GPCPD1: variants seen among roughly 807,000 people sequenced by gnomAD.
GPCPD1 encodes the protein glycerophosphocholine phosphodiesterase GPCPD1.
GPCPD1 carries 29 observed loss-of-function variants against 89.2 expected under a neutral mutation model. The observed-to-expected ratio is 0.33, with a 90% CI of 0.24 to 0.44. GPCPD1 has a LOEUF of 0.44. Ranked by LOEUF, GPCPD1 falls within the 20% of genes least tolerant of loss-of-function variation. The pLI is 1.00. For missense variants in GPCPD1, 594 were observed against 808.9 expected (o/e 0.73, Z 3.22); for synonymous variants, 258 against 266.3 (o/e 0.97, Z 0.30).
chr20:5,573,215 G>A (rs936932941), intron 11 of GPCPD1, among the ~76,000 whole-genome samples: 1 of 151,914 alleles, frequency 6.6e-6, no homozygotes, highest in African/African-American at 2.4e-5. Flanking sequence ...CTCCCAAGTA[G>A]CTGGGATAAC....
intron 14 of GPCPD1, among the ~76,000 whole-genome samples, chr20:5,565,528 C>T (rs1986352969): frequency 6.6e-6 from 1 of 152,046 alleles, no homozygotes; most frequent in African/African-American, 2.4e-5. Flanking sequence ...CGTGTCCAGC[C>T]CCTATATATA....
At chr20:5,604,610 G>A (rs1980417665) in intron 1 of GPCPD1, among the ~76,000 whole-genome samples, 170 bp from the exon 2 acceptor site, 1 of 50,736 alleles carries the variant, frequency 2.0e-5, no homozygotes, top group Admixed American at 1.6e-4. Context: ...TAACTTTAGT[G>A]CGGGGGGGGG....
chr20:5,549,249 T>C (rs980678379), intron 19 of GPCPD1: 3 of 792,136 alleles, frequency 3.8e-6, no homozygotes, highest in African/African-American at 3.4e-5. Context: ...TATTGGAGAA[T>C]CTTTTGATGA....
chr20:5,573,844 A>G, intron 11 of GPCPD1, 71 bp downstream of exon 11: 1 of 848,230 alleles, frequency 1.2e-6, no homozygotes, highest in African/African-American at 1.7e-5. Flanking sequence ...ACTATTAATA[A>G]AAACTGGAGG....
intron 3 of GPCPD1, among the ~76,000 whole-genome samples, chr20:5,595,688 C>T (rs1979667577): frequency 6.6e-6 from 1 of 151,976 alleles, no homozygotes. Context: ...AAATGCTTGA[C>T]ACATGTTCCC....
At chr20:5,561,914 G>C (rs1986106657) in intron 15 of GPCPD1, among the ~76,000 whole-genome samples, 1 of 152,228 alleles carries the variant, frequency 6.6e-6, no homozygotes, top group Admixed American at 6.5e-5. Flanking sequence ...ATTTGGGGAT[G>C]TCAATCTACT....
At chr20:5,575,126 A>C (rs1483035282) in intron 10 of GPCPD1, among the ~76,000 whole-genome samples, 1 of 152,202 alleles carries the variant, frequency 6.6e-6, no homozygotes, top group Non-Finnish European at 1.5e-5. Context: ...ACACGTCAAA[A>C]GTAAGGACCA....
intron 10 of GPCPD1, among the ~76,000 whole-genome samples, chr20:5,574,782 TTAAA>T (rs1295607989): frequency 1.3e-5 from 2 of 152,158 alleles, no homozygotes; most frequent in African/African-American, 4.8e-5. Context: ...TGCTTCTTCC[TTAAA>T]TAGTTATTTT....
At chr20:5,564,250 A>T (rs1390360720) in intron 15 of GPCPD1, among the ~76,000 whole-genome samples, 1 of 152,016 alleles carries the variant, frequency 6.6e-6, no homozygotes, top group Non-Finnish European at 1.5e-5. Flanking sequence ...TATCATCTTA[A>T]GTAAGAGGGG....
At position 5,610,678 on chromosome 20, in the gene GPCPD1, C is replaced by G. The variant is rs530935860; in HGVS notation, c.-29+164G>C. ...CCACCGATTTAGCGCAGCGAACGCC[C>G]GGCCGCCGTTCCCCTGCGGGCAGTG... On this transcript the variant is annotated intron_variant, in intron 1 of 19. Transcript: ENST00000379019. Among the ~76,000 whole-genome samples, 6 of 151,684 alleles carry G rather than the reference C, an allele frequency of 4.0e-5. No homozygotes were observed. In the South Asian group the frequency reaches 1.0e-3, roughly 26 times the overall value.
chr20:5,582,203 A>AC (rs1978574356), intron 6 of GPCPD1, among the ~76,000 whole-genome samples: 1 of 141,536 alleles, frequency 7.1e-6, no homozygotes, highest in Non-Finnish European at 1.5e-5. Flanking sequence ...AAAAAAAAAA[A>AC]AAAAAAAAAA....
At chr20:5,600,675 T>C (rs1980067500) in intron 2 of GPCPD1, among the ~76,000 whole-genome samples, 2 of 152,012 alleles carry the variant, frequency 1.3e-5, no homozygotes, top group East Asian at 1.9e-4. Flanking sequence ...CTACTAAAAA[T>C]ACAAAAATTA....
chr20:5,597,276 ATTTT>A (rs964464545), intron 3 of GPCPD1, among the ~76,000 whole-genome samples: 5 of 152,070 alleles, frequency 3.3e-5, no homozygotes, highest in African/African-American at 1.2e-4. Flanking sequence ...CATTACTGTT[ATTTT>A]TTTACTTTCC....
rs1273808262 is a variant in GPCPD1, at chr20:5,559,300, A to T, written c.1533-481T>A. 2.6e-5 allele frequency among the ~76,000 whole-genome samples: 4 copies of T among 152,376 alleles called. No homozygotes were observed. The East Asian group carries it at 7.7e-4, about 29-fold the overall frequency. Reference sequence around the variant, plus strand: ...CACCATTAACATGCGTTGCCTTTTCAGGCCAGGTACAGTGCAGTGGCTCAT... The same window carrying T: ...CACCATTAACATGCGTTGCCTTTTCTGGCCAGGTACAGTGCAGTGGCTCAT... On this transcript the variant is annotated intron_variant, in intron 17 of 19. Coordinates refer to ENST00000379019, the MANE Select transcript of GPCPD1 (RefSeq NM_019593.5).
chr20:5,553,174 ATCTGCG>A (rs1985532901), intron 19 of GPCPD1, among the ~76,000 whole-genome samples: 1 of 152,146 alleles, frequency 6.6e-6, no homozygotes, highest in African/African-American at 2.4e-5. Context: ...CTCACTTCAT[ATCTGCG>A]TCACATTTTG....
At chr20:5,549,421 G>C in intron 19 of GPCPD1, 1 of 1,209,540 alleles carries the variant, frequency 8.3e-7, no homozygotes, top group Admixed American at 1.7e-5. Flanking sequence ...TTGGTTATCA[G>C]TCCCATGCAG....
chr20:5,595,824 C>G (rs1369763264), intron 3 of GPCPD1, among the ~76,000 whole-genome samples: 1 of 151,972 alleles, frequency 6.6e-6, no homozygotes, highest in Non-Finnish European at 1.5e-5. Flanking sequence ...GGACAAATTC[C>G]CAGTACTACC....
intron 2 of GPCPD1, among the ~76,000 whole-genome samples, chr20:5,602,665 A>C (rs916550320): frequency 1.3e-5 from 2 of 152,228 alleles, no homozygotes; most frequent in Non-Finnish European, 2.9e-5. Context: ...AGGCGCAGGA[A>C]TTCAGCATAA....
intron 16 of GPCPD1, among the ~76,000 whole-genome samples, chr20:5,560,725 C>T (rs73604578): frequency 0.012 from 1,872 of 152,230 alleles, 43 homozygotes; most frequent in African/African-American, 0.041. Context: ...ATAATGAGGG[C>T]AATTACAGAT....
Sources: gnomAD v4.1 joint callset for allele counts (sites outside exome capture counted in the v4.1 genomes callset) on GRCh38, gnomAD v4.1.1 for gene constraint, MANE v1.5 for transcripts, NCBI Gene and HGNC (gene_info 2026-07-23, HGNC 2026-07-21) for gene names.